Variants in PRMT8 observed in about 807,000 individuals in gnomAD.
PRMT8 encodes protein arginine methyltransferase 8, also known as protein arginine N-methyltransferase 8.
A neutral mutation model predicts 47.1 loss-of-function variants in PRMT8; 7 were observed. The ratio of observed to expected loss-of-function variants is 0.15; its 90% CI spans 0.08 to 0.28. The LOEUF (loss-of-function observed/expected upper bound fraction) is 0.28, where lower values mean the gene tolerates loss of function less well. Ranked by LOEUF, PRMT8 falls within the 10% of genes least tolerant of loss-of-function variation. The pLI is 1.00. For missense variants in PRMT8, 237 were observed against 505.4 expected (o/e 0.47, Z 5.09); for synonymous variants, 188 against 186.5 (o/e 1.01, Z -0.07).
rs57739335 is a variant in PRMT8 at position 3,580,337 on chromosome 12, C to CGTGTGTGTGTGT, written c.829-2702_829-2691dup. Among the ~76,000 whole-genome samples, 11 of 145,644 alleles carry CGTGTGTGTGTGT rather than the reference C, an allele frequency of 7.6e-5. No homozygotes were observed. The highest frequency in any genetic ancestry group is 2.3e-4 in the African/African-American group (9 of 39,636). On this transcript the variant is annotated intron_variant, in intron 7 of 9. Coordinates refer to ENST00000382622, the MANE Select transcript of PRMT8 (RefSeq NM_019854.5). This position sits in a 1 kb window ranked among gnomAD's most constrained non-coding sequence, Gnocchi z 4.6. Reference sequence around the variant, plus strand: ...TCCTGCCAGATGGGGGGTGCGTGTGCGTGTGTGTGTGTGTGTGTGTGTGTG... The same window carrying CGTGTGTGTGTGT: ...TCCTGCCAGATGGGGGGTGCGTGTGCGTGTGTGTGTGTGTGTGTGTGTGTGTGTGTGTGTGTG...
At chr12:3,507,373 G>A (rs1357050740) in intron 1 of PRMT8, among the ~76,000 whole-genome samples, 8 of 151,978 alleles carry the variant, frequency 5.3e-5, no homozygotes, top group African/African-American at 7.2e-5. Context: ...CGCCCGCCTC[G>A]GCCTCCCAAA....
At chr12:3,428,249 C>CTTTT (rs35618423) in intron 1 of PRMT8, among the ~76,000 whole-genome samples, 2 of 143,976 alleles carry the variant, frequency 1.4e-5, no homozygotes, top group African/African-American at 5.1e-5. Flanking sequence ...TTCTTTCTTT[C>CTTTT]TTTTTTTTTT....
chr12:3,407,367 CTT>C (rs56668996), intron 1 of PRMT8, among the ~76,000 whole-genome samples: 2 of 150,700 alleles, frequency 1.3e-5, no homozygotes, highest in South Asian at 2.1e-4. Context: ...TCTTGGCTGA[CTT>C]TTTTTTTTCT....
intron 1 of PRMT8, among the ~76,000 whole-genome samples, chr12:3,447,121 C>A (rs772842813): frequency 1.3e-5 from 2 of 152,150 alleles, no homozygotes; most frequent in Non-Finnish European, 2.9e-5. Context: ...GAGACAGAAC[C>A]CGTGCAAAGA....
chr12:3,539,628 T>TTCTGGGCTCCAATTGCTGTC (rs1866183855), intron 1 of PRMT8, among the ~76,000 whole-genome samples: 1 of 152,214 alleles, frequency 6.6e-6, no homozygotes, highest in Non-Finnish European at 1.5e-5. Flanking sequence ...GTGTTTGAGC[T>TTCTGGGCTCCAATTGCTGTC]TCTGGGCTCC....
intron 8 of PRMT8, among the ~76,000 whole-genome samples, chr12:3,591,772 GA>G (rs917802556): frequency 3.3e-5 from 5 of 152,138 alleles, no homozygotes; most frequent in Non-Finnish European, 5.9e-5. Context: ...TTTAGCTGTG[GA>G]GTTTGCATGA....
intron 1 of PRMT8, among the ~76,000 whole-genome samples, chr12:3,412,112 C>G (rs1441750662): frequency 6.6e-6 from 1 of 152,232 alleles, no homozygotes; most frequent in Non-Finnish European, 1.5e-5. Flanking sequence ...GATGCTATAA[C>G]CGACTGCACA....
chr12:3,432,421 T>G (rs991548046), intron 1 of PRMT8, among the ~76,000 whole-genome samples: 9 of 152,180 alleles, frequency 5.9e-5, no homozygotes, highest in African/African-American at 2.2e-4. Context: ...GGAAACACTT[T>G]GAAATAATGG....
upstream of PRMT8, among the ~76,000 whole-genome samples, chr12:3,488,121 T>C (rs1320088833): frequency 6.6e-6 from 1 of 152,216 alleles, no homozygotes. Flanking sequence ...GTTTTTGTTT[T>C]CTCATCTGTT....
At chr12:3,490,993 G>C (rs937027667), upstream of PRMT8, among the ~76,000 whole-genome samples, 1 of 152,042 alleles carries the variant, frequency 6.6e-6, no homozygotes, top group Non-Finnish European at 1.5e-5. Flanking sequence ...CTTTCTCTGG[G>C]CCCCCCGCGC....
At chr12:3,462,057 C>T (rs557127066) in intron 1 of PRMT8, among the ~76,000 whole-genome samples, 8 of 152,070 alleles carry the variant, frequency 5.3e-5, no homozygotes, top group South Asian at 4.2e-4. Flanking sequence ...CTCCATTCTC[C>T]GATAGGCCCC....
chr12:3,439,427 C>G (rs1864776050), intron 1 of PRMT8, among the ~76,000 whole-genome samples: 1 of 152,156 alleles, frequency 6.6e-6, no homozygotes, highest in Non-Finnish European at 1.5e-5. Flanking sequence ...GTCACTGAGA[C>G]ACCTGGCTCT....
At chr12:3,573,070 AT>A (rs1257286060) in intron 6 of PRMT8, among the ~76,000 whole-genome samples, 1 of 151,778 alleles carries the variant, frequency 6.6e-6, no homozygotes, top group African/African-American at 2.4e-5. Flanking sequence ...CTCTACAAAT[AT>A]TTTTTTCTGC....
chr12:3,505,576 C>T (rs1404182859), intron 1 of PRMT8, among the ~76,000 whole-genome samples: 2 of 152,164 alleles, frequency 1.3e-5, no homozygotes, highest in African/African-American at 2.4e-5. Flanking sequence ...TAAACATTGC[C>T]TTATTTAATT....
At chr12:3,592,990 C>G in intron 9 of PRMT8, 109 bp from the exon 10 acceptor site, 1 of 822,390 alleles carries the variant, frequency 1.2e-6, no homozygotes, top group East Asian at 2.6e-5. Flanking sequence ...CCTTAAGACG[C>G]TGGTGCTACC....
chr12:3,555,075 A>C (rs910118484), intron 4 of PRMT8, among the ~76,000 whole-genome samples: 1 of 152,234 alleles, frequency 6.6e-6, no homozygotes, highest in Non-Finnish European at 1.5e-5. Flanking sequence ...CTGACTCAAC[A>C]AACTTCTCTG....
At chr12:3,520,662 C>A (rs1217316397) in intron 1 of PRMT8, among the ~76,000 whole-genome samples, 1 of 152,192 alleles carries the variant, frequency 6.6e-6, no homozygotes, top group Non-Finnish European at 1.5e-5. Context: ...AATAACTATG[C>A]TGTCATCAAT....
intron 1 of PRMT8, among the ~76,000 whole-genome samples, chr12:3,384,676 C>G (rs79002308): frequency 2.6e-5 from 4 of 152,054 alleles, no homozygotes; most frequent in African/African-American, 7.2e-5. Context: ...TTCTCAGAAT[C>G]CTACAGGCTT....
At chr12:3,555,074 C>T (rs868367491) in intron 4 of PRMT8, among the ~76,000 whole-genome samples, 36 of 152,378 alleles carry the variant, frequency 2.4e-4, no homozygotes, top group African/African-American at 7.9e-4. Flanking sequence ...ACTGACTCAA[C>T]AAACTTCTCT....
Sources: gnomAD v4.1 joint callset for allele counts (sites outside exome capture counted in the v4.1 genomes callset) on GRCh38, gnomAD v4.1.1 for gene constraint, Gnocchi (gnomAD v3.1) non-coding constraint, MANE v1.5 for transcripts, NCBI Gene and HGNC (gene_info 2026-07-23, HGNC 2026-07-21) for gene names.